Variants in UTP18 observed in about 807,000 individuals in gnomAD.
UTP18 encodes UTP18 small subunit processome component.
A neutral mutation model predicts 61.1 loss-of-function variants in UTP18; 36 were observed. That is an observed-to-expected ratio of 0.59 (90% CI 0.45 to 0.78). The LOEUF (loss-of-function observed/expected upper bound fraction) is 0.78, where lower values mean the gene tolerates loss of function less well. Ranked by LOEUF, UTP18 falls within the 30% of genes least tolerant of loss-of-function variation. The pLI is 0.00. For missense variants in UTP18, 753 were observed against 693.9 expected (o/e 1.09, Z -0.96); for synonymous variants, 282 against 251.1 (o/e 1.12, Z -1.16).
chr17:51,292,817 G>A (rs1015191674), intron 11 of UTP18, among the ~76,000 whole-genome samples: 17 of 152,310 alleles, frequency 1.1e-4, no homozygotes, highest in African/African-American at 4.1e-4. Flanking sequence ...GACTGTGTGT[G>A]TTCCTCCTCA....
At chr17:51,285,452 T>C in intron 10 of UTP18, 84 bp downstream of exon 10, 3 of 1,489,602 alleles carry the variant, frequency 2.0e-6, no homozygotes, top group Non-Finnish European at 2.7e-6. Context: ...AGGTGGTGCA[T>C]GAGTAGTTCT....
intron 7 of UTP18, among the ~76,000 whole-genome samples, chr17:51,278,517 A>T (rs1257738149): frequency 6.6e-6 from 1 of 152,232 alleles, no homozygotes; most frequent in Non-Finnish European, 1.5e-5. Flanking sequence ...TTTACCATGG[A>T]TCTGCTAGGT....
At position 51,293,945 on chromosome 17, in the gene UTP18, A is replaced by G. The variant is rs1172802999; in HGVS notation, c.1546A>G (p.Ile516Val). The G allele has an allele frequency of 6.2e-7, 1 of 1,604,718 alleles. No individual in the cohort carries two copies. The highest frequency in any genetic ancestry group is 8.5e-7 in the Non-Finnish European group (1 of 1,175,462). ...SCTVFSNFPV[I>V]KNKNISHVHT... ...TACAGTATTTTCAAACTTCCCAGTC[A>G]TTAAAAATAAGAATATTTCTCATGT... The change falls in exon 12 of 14, where the codon ATT becomes GTT. Residue 516 changes from isoleucine (I) to valine (V), a missense_variant. Transcript: ENST00000225298.
chr17:51,273,615 T>C (rs1055568705), intron 5 of UTP18, among the ~76,000 whole-genome samples, 165 bp downstream of exon 5: 2 of 151,622 alleles, frequency 1.3e-5, no homozygotes, highest in African/African-American at 4.8e-5. Flanking sequence ...TTTTTTCCTT[T>C]TGCAAAAAAT....
chr17:51,267,462 T>TG (rs908957386), intron 3 of UTP18, among the ~76,000 whole-genome samples: 3 of 54,922 alleles, frequency 5.5e-5, no homozygotes, highest in Non-Finnish European at 1.0e-4. Flanking sequence ...TTTTTTTTGG[T>TG]TTTTTTTTTT....
chr17:51,267,059 C>G (rs1214237416), intron 3 of UTP18, among the ~76,000 whole-genome samples: 1 of 152,216 alleles, frequency 6.6e-6, no homozygotes, highest in Admixed American at 6.5e-5. Flanking sequence ...AGCTCCTGGA[C>G]TCAAGAAATC....
intron 5 of UTP18, among the ~76,000 whole-genome samples, chr17:51,273,974 C>T (rs1904627869): frequency 6.6e-6 from 1 of 152,128 alleles, no homozygotes; most frequent in Non-Finnish European, 1.5e-5. Flanking sequence ...CAGGTCATGT[C>T]ACTTTTCATT....
intron 9 of UTP18, among the ~76,000 whole-genome samples, chr17:51,284,960 C>T (rs528373297): frequency 5.1e-4 from 77 of 151,692 alleles, no homozygotes; most frequent in African/African-American, 1.8e-3. Flanking sequence ...ACTCGGGAGG[C>T]TGAGGCAGGA....
At chr17:51,286,827 T>C (rs1433590558) in intron 10 of UTP18, among the ~76,000 whole-genome samples, 1 of 151,364 alleles carries the variant, frequency 6.6e-6, no homozygotes, top group Non-Finnish European at 1.5e-5. Flanking sequence ...AAGTAGTTTT[T>C]AAATTTTTTT....
rs1460797512 is a variant in UTP18 at position 51,280,093 on chromosome 17, G to A, written c.1101G>A (p.Leu367=). ...ATGGCATTGCTGGATATTTGCATTT[G>A]CTAGCAATGAAGGTAAAGCATTATT... ...LINGIAGYLH[L]LAMKTKELIG... The change falls in exon 8 of 14, where the codon TTG becomes TTA. Residue 367 remains leucine (L), a synonymous_variant. Coordinates refer to ENST00000225298, the MANE Select transcript of UTP18 (RefSeq NM_016001.3). The A allele has an allele frequency of 6.2e-7, 1 of 1,613,422 alleles. No homozygotes were observed.
chr17:51,281,852 T>TA (rs1489569344), intron 9 of UTP18, among the ~76,000 whole-genome samples: 3 of 152,212 alleles, frequency 2.0e-5, no homozygotes, highest in Admixed American at 6.5e-5. Flanking sequence ...AGACATTATT[T>TA]AAAAAAAGAT....
At chr17:51,267,220 C>T (rs1044274531) in intron 3 of UTP18, among the ~76,000 whole-genome samples, 3 of 152,170 alleles carry the variant, frequency 2.0e-5, no homozygotes, top group Admixed American at 6.5e-5. Context: ...TTCTTGGCCT[C>T]GCAAAGTGCT....
chr17:51,282,524 GGAAA>G (rs1002728337), intron 9 of UTP18, among the ~76,000 whole-genome samples: 58 of 76,022 alleles, frequency 7.6e-4, no homozygotes, highest in African/African-American at 8.7e-4. Context: ...AAGGAAGGAA[GGAAA>G]GAAAGAAAGA....
chr17:51,277,053 T>G, intron 6 of UTP18, 77 bp from the exon 7 acceptor site: 1 of 1,443,832 alleles, frequency 6.9e-7, no homozygotes, highest in Non-Finnish European at 9.5e-7. Flanking sequence ...AATGAACACT[T>G]GTAGTGAAAA....
At chr17:51,280,916 G>T (rs539161182) in intron 9 of UTP18, among the ~76,000 whole-genome samples, 79 of 151,966 alleles carry the variant, frequency 5.2e-4, no homozygotes, top group Non-Finnish European at 1.1e-3. Context: ...GGTAGCTTAC[G>T]CCTGTAATCC....
At chr17:51,261,266 T>G (rs1428228609) in intron 1 of UTP18, among the ~76,000 whole-genome samples, 1 of 152,226 alleles carries the variant, frequency 6.6e-6, no homozygotes, top group African/African-American at 2.4e-5. Flanking sequence ...ATCACCTGCC[T>G]CAGTTCCTTG....
At chr17:51,297,078 C>T (rs1466857862) in intron 13 of UTP18, 75 bp downstream of exon 13, 2 of 1,280,042 alleles carry the variant, frequency 1.6e-6, no homozygotes, top group Non-Finnish European at 2.2e-6. Context: ...GGAAGCAGCA[C>T]ATTAGCTGAG....
intron 11 of UTP18, 80 bp from the exon 12 acceptor site, chr17:51,293,823 G>T: frequency 4.1e-6 from 5 of 1,217,610 alleles, no homozygotes; most frequent in Non-Finnish European, 5.5e-6. Context: ...GTTTCAGCAG[G>T]AAGATAGAGT....
chr17:51,263,662 G>A (rs1309697365), intron 2 of UTP18, among the ~76,000 whole-genome samples: 2 of 152,014 alleles, frequency 1.3e-5, no homozygotes, highest in Non-Finnish European at 2.9e-5. Context: ...CTCCTCTTTT[G>A]GCCAGTTTCT....
Sources: allele counts gnomAD v4.1 joint callset (sites outside exome capture counted in the v4.1 genomes callset), GRCh38; gene constraint gnomAD v4.1.1; transcripts MANE v1.5; gene names NCBI Gene and HGNC (gene_info 2026-07-23, HGNC 2026-07-21).